TBC1D1: variants seen among roughly 807,000 people sequenced by gnomAD.
The protein encoded by TBC1D1 is TBC1 domain family member 1, also known as TBC1 (tre-2/USP6, BUB2, cdc16) domain family, member 1.
Under a neutral mutation model 125.6 loss-of-function variants are expected in TBC1D1, and 89 were observed. That is an observed-to-expected ratio of 0.71 (90% confidence interval 0.60 to 0.85). The LOEUF (loss-of-function observed/expected upper bound fraction) is 0.85, where lower values mean the gene tolerates loss of function less well. TBC1D1 is among the 40% of genes least tolerant of loss of function. The pLI is 0.00. For synonymous variants in TBC1D1, 565 were observed against 564.1 expected, an observed-to-expected ratio of 1.00 and a Z score of -0.02; for missense variants, 1,377 against 1,469.2, an observed-to-expected ratio of 0.94 and a Z score of 1.03.
At chr4:37,918,541 A>G (rs1254657326) in intron 2 of TBC1D1, among the ~76,000 whole-genome samples, 2 of 150,742 alleles carry the variant, frequency 1.3e-5, no homozygotes, top group African/African-American at 2.4e-5. Flanking sequence ...TCTGCCTCCC[A>G]GGTTCAAGCG....
rs1718974046 is a variant in TBC1D1, at chr4:37,913,184, GA to G, written c.417+10675del. Among the ~76,000 whole-genome samples the G allele has an allele frequency of 2.0e-5, 3 of 152,196 alleles. No individual in the cohort carries two copies. The South Asian group carries it at 6.2e-4, about 31-fold the overall frequency. ...TAGTCTGTTGGTCTCCAGTGGAAGA[GA>G]AAGTCAGACAGATCCTAATTCTCTG... is the stretch of plus-strand genomic sequence containing the variant. On this transcript the variant is annotated intron_variant, in intron 2 of 19. Transcript: ENST00000261439.
intron 2 of TBC1D1, among the ~76,000 whole-genome samples, chr4:37,989,974 A>G (rs1344179477): frequency 6.6e-6 from 1 of 152,266 alleles, no homozygotes; most frequent in Non-Finnish European, 1.5e-5. Context: ...AAAAATAGGA[A>G]GGAAGTTTAT....
chr4:37,901,276 C>A (rs969238745), intron 1 of TBC1D1, among the ~76,000 whole-genome samples: 1 of 151,956 alleles, frequency 6.6e-6, no homozygotes, highest in Non-Finnish European at 1.5e-5. Context: ...CCTGCCTCAG[C>A]CTCCTGAGTA....
Position 38,115,794 on chromosome 4 carries a change from C to T in TBC1D1, c.2642C>T (p.Ser881Leu), listed in dbSNP as rs1762889196. ...CTTTACAACATTTTGAAGGCCTACT[C>T]ACTTCTAGACCAGGAAGTGGGATAT... Residue 881 changes from serine (S) to leucine (L), a missense_variant, in exon 16 of 20, where the codon TCA (serine) becomes TTA (leucine). Around this residue, in one of 3 missense-constraint regions of TBC1D1, gnomAD observed 543 missense variants for 613.5 expected, o/e 0.89. Coordinates refer to ENST00000261439, the MANE Select transcript of TBC1D1 (RefSeq NM_015173.4). 6.2e-7 allele frequency: 1 copy of T among 1,614,086 alleles called. No homozygotes were observed. The highest frequency in any genetic ancestry group is 1.7e-5 in the Admixed American group (1 of 60,008).
At chr4:37,908,824 C>T (rs1232393545) in intron 2 of TBC1D1, among the ~76,000 whole-genome samples, 1 of 152,136 alleles carries the variant, frequency 6.6e-6, no homozygotes, top group Non-Finnish European at 1.5e-5. Flanking sequence ...GAGCATGGGG[C>T]CTGGGTGGAG....
At chr4:37,984,841 C>CA (rs774568817) in intron 2 of TBC1D1, among the ~76,000 whole-genome samples, 13,615 of 92,780 alleles carry the variant, frequency 0.15, 677 homozygotes, top group Middle Eastern at 0.31. Flanking sequence ...GACCCTGTCT[C>CA]AAAAAAAAAA....
chr4:38,086,518 T>G (rs1757510082), intron 12 of TBC1D1, among the ~76,000 whole-genome samples: 1 of 152,228 alleles, frequency 6.6e-6, no homozygotes, highest in Admixed American at 6.5e-5. Context: ...TTTTATTTAG[T>G]TCATGTAGAG....
At chr4:37,934,515 G>C (rs945518276) in intron 2 of TBC1D1, among the ~76,000 whole-genome samples, 1 of 152,198 alleles carries the variant, frequency 6.6e-6, no homozygotes, top group Non-Finnish European at 1.5e-5. Context: ...CTGCTTCTGC[G>C]TCATCCGTCC....
intron 2 of TBC1D1, among the ~76,000 whole-genome samples, chr4:37,956,993 C>T (rs959383802): frequency 1.3e-5 from 2 of 151,712 alleles, no homozygotes; most frequent in South Asian, 4.2e-4. Flanking sequence ...CCCAAAGAAG[C>T]CACTGATGCA....
intron 12 of TBC1D1, among the ~76,000 whole-genome samples, chr4:38,065,950 T>C (rs1479323985): frequency 6.6e-6 from 1 of 152,212 alleles, no homozygotes; most frequent in African/African-American, 2.4e-5. Flanking sequence ...ACAACTGGAC[T>C]TACTGCCCAT....
At chr4:37,953,709 G>A (rs1254833532) in intron 2 of TBC1D1, among the ~76,000 whole-genome samples, 3 of 152,174 alleles carry the variant, frequency 2.0e-5, no homozygotes, top group Admixed American at 2.0e-4. Context: ...GCTCCTTCAA[G>A]GGAGGGATAA....
chr4:37,927,713 C>G (rs1217819044), intron 2 of TBC1D1, among the ~76,000 whole-genome samples: 2 of 152,150 alleles, frequency 1.3e-5, no homozygotes, highest in Non-Finnish European at 2.9e-5. Flanking sequence ...AATCCTTATG[C>G]TTTTGTTTGG....
At chr4:38,027,055 T>C (rs1036950521) in intron 6 of TBC1D1, among the ~76,000 whole-genome samples, 7 of 152,218 alleles carry the variant, frequency 4.6e-5, no homozygotes, top group African/African-American at 1.4e-4. Context: ...TTTATCATTT[T>C]CTGAGGAGAA....
chr4:37,997,555 A>G (rs1320787137), intron 2 of TBC1D1, among the ~76,000 whole-genome samples: 1 of 152,214 alleles, frequency 6.6e-6, no homozygotes, highest in East Asian at 1.9e-4. Flanking sequence ...AAAGTTTAAG[A>G]AAAATGTACT....
intron 2 of TBC1D1, among the ~76,000 whole-genome samples, chr4:37,970,946 C>T (rs2152344809): frequency 6.6e-6 from 1 of 152,172 alleles, no homozygotes; most frequent in South Asian, 2.1e-4. Flanking sequence ...CACTGGCCCC[C>T]CCCACTAGAG....
chr4:38,113,142 A>G (rs527303187), intron 15 of TBC1D1, among the ~76,000 whole-genome samples: 1 of 152,302 alleles, frequency 6.6e-6, no homozygotes, highest in Admixed American at 6.5e-5. Flanking sequence ...GGCCTATTGC[A>G]AGATGAAAAT....
intron 2 of TBC1D1, among the ~76,000 whole-genome samples, chr4:37,932,193 T>C (rs1723402079): frequency 6.6e-6 from 1 of 152,228 alleles, no homozygotes; most frequent in Admixed American, 6.5e-5. Flanking sequence ...GCTCCTTTAG[T>C]TGGCCTTTAC....
chr4:37,900,855 T>G (rs559752177), intron 1 of TBC1D1, among the ~76,000 whole-genome samples: 1 of 152,248 alleles, frequency 6.6e-6, no homozygotes, highest in Admixed American at 6.5e-5. Context: ...GCAGATCACT[T>G]GAGGCCAGGA....
intron 2 of TBC1D1, among the ~76,000 whole-genome samples, chr4:37,906,879 T>C (rs903025597): frequency 6.6e-6 from 1 of 152,224 alleles, no homozygotes; most frequent in Non-Finnish European, 1.5e-5. Flanking sequence ...TTTTCACTCC[T>C]CAAAGTTGTT....
Sources: allele counts gnomAD v4.1 joint callset (sites outside exome capture counted in the v4.1 genomes callset), GRCh38; gene constraint gnomAD v4.1.1; regional missense constraint gnomAD v4.1.1; transcripts MANE v1.5; gene names NCBI Gene and HGNC (gene_info 2026-07-23, HGNC 2026-07-21).